The following NSMCE2 variants were observed in gnomAD, a reference collection of about 807,000 sequenced individuals.
NSMCE2 encodes the protein E3 SUMO-protein ligase NSE2.
Under a neutral mutation model 23.8 loss-of-function variants are expected in NSMCE2, and 24 were observed. The observed-to-expected ratio is 1.01, with a 90% CI of 0.73 to 1.42. The LOEUF is 1.42. NSMCE2 is among the 40% of genes most tolerant of loss of function. The probability of loss-of-function intolerance (pLI) is 0.00; values close to 1 mark genes in which losing one functional copy is unlikely to be tolerated. For synonymous variants in NSMCE2, 92 were observed against 94.1 expected (o/e 0.98, Z 0.13); for missense variants, 284 against 296.5 (o/e 0.96, Z 0.31).
intron 5 of NSMCE2, among the ~76,000 whole-genome samples, chr8:125,234,639 A>G (rs1825467809): frequency 6.6e-6 from 1 of 152,174 alleles, no homozygotes; most frequent in African/African-American, 2.4e-5. Context: ...TATCTCATAT[A>G]CACCTTGTAA....
rs917341106 is a variant in NSMCE2 at position 125,350,379 on chromosome 8, A to G, written c.419-6840A>G. Among the ~76,000 whole-genome samples the G allele has an allele frequency of 3.4e-4, 52 of 152,222 alleles. 1 individual carries two copies. Among genetic ancestry groups the G allele is most frequent in the African/African-American group, 1.3e-3 (52 of 41,466 alleles). ...GGAGGAAGAGCATTCCAGACAGGTT[A>G]GTGTTAAGGCCCAAAGACAGGAGGA... On this transcript the variant is annotated intron_variant, in intron 5 of 7. Coordinates refer to ENST00000287437, the MANE Select transcript of NSMCE2 (RefSeq NM_173685.4).
chr8:125,175,422 A>G (rs1822437605), intron 4 of NSMCE2, among the ~76,000 whole-genome samples: 1 of 152,238 alleles, frequency 6.6e-6, no homozygotes, highest in Admixed American at 6.5e-5. Context: ...TACTAGTACT[A>G]AGCAGAACAC....
At chr8:125,334,725 CTA>C (rs1830008605) in intron 5 of NSMCE2, among the ~76,000 whole-genome samples, 2 of 145,790 alleles carry the variant, frequency 1.4e-5, no homozygotes, top group Non-Finnish European at 3.0e-5. Flanking sequence ...GGTGGGCAGA[CTA>C]TGTGTACGAA....
At chr8:125,280,671 G>A (rs1287006621) in intron 5 of NSMCE2, among the ~76,000 whole-genome samples, 1 of 152,116 alleles carries the variant, frequency 6.6e-6, no homozygotes, top group Non-Finnish European at 1.5e-5. Flanking sequence ...ACTGATTCTA[G>A]CAATGCTTTT....
intron 4 of NSMCE2, among the ~76,000 whole-genome samples, chr8:125,154,906 G>A (rs772181923): frequency 2.0e-5 from 3 of 152,092 alleles, no homozygotes; most frequent in Non-Finnish European, 4.4e-5. Context: ...CTTTTATTAA[G>A]TACATTGAAG....
intron 3 of NSMCE2, among the ~76,000 whole-genome samples, chr8:125,116,455 T>C (rs1470548902): frequency 1.3e-5 from 2 of 152,198 alleles, no homozygotes; most frequent in African/African-American, 2.4e-5. Context: ...CTGTGACTTA[T>C]TTTTACTAAC....
At chr8:125,339,975 G>A (rs1451680078) in intron 5 of NSMCE2, among the ~76,000 whole-genome samples, 2 of 151,500 alleles carry the variant, frequency 1.3e-5, no homozygotes, top group Non-Finnish European at 2.9e-5. Flanking sequence ...TCCTGATCCT[G>A]GGAAACCATA....
intron 4 of NSMCE2, among the ~76,000 whole-genome samples, chr8:125,179,326 G>A (rs1163822395): frequency 6.6e-6 from 1 of 152,080 alleles, no homozygotes; most frequent in Non-Finnish European, 1.5e-5. Flanking sequence ...GACAGAGCCC[G>A]ACCCTGTCTC....
At chr8:125,233,095 C>T (rs961192651) in intron 5 of NSMCE2, among the ~76,000 whole-genome samples, 1 of 152,186 alleles carries the variant, frequency 6.6e-6, no homozygotes, top group African/African-American at 2.4e-5. Context: ...TGGCAGATCA[C>T]TTTGAAGCTT....
intron 5 of NSMCE2, among the ~76,000 whole-genome samples, chr8:125,341,348 A>T (rs891138245): frequency 1.3e-5 from 2 of 152,180 alleles, no homozygotes; most frequent in African/African-American, 4.8e-5. Flanking sequence ...TAGAGTTCAT[A>T]AAGCAAGTTC....
At chr8:125,240,865 G>A (rs1338006435) in intron 5 of NSMCE2, among the ~76,000 whole-genome samples, 1 of 152,038 alleles carries the variant, frequency 6.6e-6, no homozygotes, top group Non-Finnish European at 1.5e-5. Flanking sequence ...CAAAATGTTA[G>A]GAACAACTGC....
At chr8:125,278,479 C>T (rs1307139541) in intron 5 of NSMCE2, among the ~76,000 whole-genome samples, 3 of 152,322 alleles carry the variant, frequency 2.0e-5, no homozygotes, top group Non-Finnish European at 2.9e-5. Flanking sequence ...CAGAGCAGAG[C>T]GTGTGCTTTC....
intron 5 of NSMCE2, among the ~76,000 whole-genome samples, chr8:125,253,709 T>C (rs1341816033): frequency 6.6e-6 from 1 of 152,222 alleles, no homozygotes; most frequent in Admixed American, 6.5e-5. Flanking sequence ...ATTAGTATTG[T>C]GCCTTTCCTC....
chr8:125,249,735 G>A (rs952178461), intron 5 of NSMCE2, among the ~76,000 whole-genome samples: 84 of 152,112 alleles, frequency 5.5e-4, no homozygotes, highest in African/African-American at 2.0e-3. Context: ...TGCTTATGTG[G>A]GCATCACATG....
At chr8:125,131,264 G>A (rs902621864) in intron 3 of NSMCE2, among the ~76,000 whole-genome samples, 1 of 152,032 alleles carries the variant, frequency 6.6e-6, no homozygotes, top group African/African-American at 2.4e-5. Context: ...AAATATATAC[G>A]TACTTGGAAA....
intron 3 of NSMCE2, among the ~76,000 whole-genome samples, chr8:125,108,641 T>C (rs925113608): frequency 2.0e-5 from 3 of 152,186 alleles, no homozygotes; most frequent in Admixed American, 1.3e-4. Flanking sequence ...AGCTATCATA[T>C]ATGACAACCA....
chr8:125,131,193 C>A (rs560678553), intron 3 of NSMCE2, among the ~76,000 whole-genome samples: 1 of 152,108 alleles, frequency 6.6e-6, no homozygotes, highest in African/African-American at 2.4e-5. Flanking sequence ...TTTTTGGATA[C>A]ATTATAATTC....
At chr8:125,237,002 A>G (rs545766543) in intron 5 of NSMCE2, among the ~76,000 whole-genome samples, 1 of 152,278 alleles carries the variant, frequency 6.6e-6, no homozygotes, top group Admixed American at 6.5e-5. Flanking sequence ...GTAGTTATAC[A>G]TTTCCTCTGA....
intron 1 of NSMCE2, among the ~76,000 whole-genome samples, chr8:125,093,544 ATAAATAAATAAATAAG>A (rs1817779428): frequency 6.6e-6 from 1 of 151,732 alleles, no homozygotes; most frequent in Admixed American, 6.6e-5. Context: ...CAATAAATAA[ATAAATAAATAAATAAG>A]TAAATAAATA....
Sources: gnomAD v4.1 joint callset for allele counts (sites outside exome capture counted in the v4.1 genomes callset) on GRCh38, gnomAD v4.1.1 for gene constraint, MANE v1.5 for transcripts, NCBI Gene and HGNC (gene_info 2026-07-23, HGNC 2026-07-21) for gene names.